Variants in ME1 observed in about 807,000 individuals in gnomAD.
ME1 encodes NADP-dependent malic enzyme.
In ME1, 74 loss-of-function variants were observed where a neutral mutation model predicts 66.4. The observed-to-expected ratio is 1.11, with a 90% confidence interval of 0.92 to 1.35. The LOEUF (loss-of-function observed/expected upper bound fraction) is 1.35, where lower values mean the gene tolerates loss of function less well. ME1 is among the 40% of genes most tolerant of loss of function. The probability of loss-of-function intolerance (pLI) is 0.00; values close to 1 mark genes in which losing one functional copy is unlikely to be tolerated. For missense variants in ME1, 750 were observed against 694.1 expected, an observed-to-expected ratio of 1.08 and a Z score of -0.90; for synonymous variants, 251 against 235.6, an observed-to-expected ratio of 1.07 and a Z score of -0.60.
intron 5 of ME1, among the ~76,000 whole-genome samples, chr6:83,328,462 T>TA (rs1001497614): frequency 6.6e-6 from 1 of 152,068 alleles, no homozygotes; most frequent in Non-Finnish European, 1.5e-5. Context: ...TTAAAGTATA[T>TA]AAAAAAATTC....
chr6:83,287,298 T>A (rs1767413639), intron 6 of ME1, among the ~76,000 whole-genome samples: 1 of 151,948 alleles, frequency 6.6e-6, no homozygotes, highest in African/African-American at 2.4e-5. Context: ...ATGTTATCCC[T>A]CCCCTAGCTC....
At chr6:83,268,383 A>G (rs1260100822) in intron 6 of ME1, among the ~76,000 whole-genome samples, 1 of 152,174 alleles carries the variant, frequency 6.6e-6, no homozygotes. Flanking sequence ...TTTACATACA[A>G]TAAAAGTACT....
Position 83,216,531 on chromosome 6 carries a change from G to T in ME1, c.1515C>A (p.Thr505=), listed in dbSNP as rs1222330892. The change falls in exon 13 of 14, where the codon ACC becomes ACA. Residue 505 remains threonine, a synonymous_variant. Transcript: ENST00000369705. ...EEGRLYPPLN[T]IRDVSLKIAE... ...CAATTTTCAGAGAAACATCTCTAATGGTATTCAAAGGAGGATAAAGCCGAC... is the reference window on the plus strand; with the variant it reads ...CAATTTTCAGAGAAACATCTCTAATTGTATTCAAAGGAGGATAAAGCCGAC... 3.7e-6 allele frequency: 6 copies of T among 1,611,180 alleles called. No homozygotes were observed. The highest frequency in any genetic ancestry group is 5.1e-6 in the Non-Finnish European group (6 of 1,178,922).
At chr6:83,301,988 C>T (rs1481358908) in intron 6 of ME1, among the ~76,000 whole-genome samples, 6 of 152,116 alleles carry the variant, frequency 3.9e-5, no homozygotes, top group Admixed American at 3.9e-4. Flanking sequence ...CATAAAGACA[C>T]ATGCACATGC....
chr6:83,284,605 G>T (rs1767363287), intron 6 of ME1, among the ~76,000 whole-genome samples: 1 of 151,942 alleles, frequency 6.6e-6, no homozygotes, highest in African/African-American at 2.4e-5. Context: ...AAAACCATAG[G>T]ATCATCTCAA....
At chr6:83,298,955 T>G (rs1157170706) in intron 6 of ME1, among the ~76,000 whole-genome samples, 2 of 134,494 alleles carry the variant, frequency 1.5e-5, no homozygotes, top group Non-Finnish European at 1.6e-5. Flanking sequence ...TTTTTTTTTT[T>G]TTTTTTTTTT....
intron 6 of ME1, among the ~76,000 whole-genome samples, chr6:83,266,295 T>A (rs187426950): frequency 6.6e-6 from 1 of 152,152 alleles, no homozygotes; most frequent in Non-Finnish European, 1.5e-5. Context: ...CACAGAGTAA[T>A]GGAAATCCAT....
Position 83,211,842 on chromosome 6 carries a change from T to C in ME1, c.*82A>G. 1.1e-6 allele frequency: 1 copy of C among 892,892 alleles called. No homozygotes were observed. The highest frequency in any genetic ancestry group is 3.4e-5 in the Admixed American group (1 of 29,800). 55.3% of individuals were successfully genotyped at this position (892,892 alleles called of 1,614,324 possible). On this transcript the variant is annotated 3_prime_UTR_variant, in exon 14 of 14. Coordinates refer to ENST00000369705, the MANE Select transcript of ME1 (RefSeq NM_002395.6). ...AATCTTAATCTAAGTGTCTTATGAATCATTATAAAAGATTCCAACCTTTAA... is the reference window on the plus strand; with the variant it reads ...AATCTTAATCTAAGTGTCTTATGAACCATTATAAAAGATTCCAACCTTTAA...
intron 2 of ME1, among the ~76,000 whole-genome samples, chr6:83,406,233 G>A (rs1769942023): frequency 6.6e-6 from 1 of 152,158 alleles, no homozygotes; most frequent in Non-Finnish European, 1.5e-5. Context: ...CGGTTTGCAA[G>A]TATTTTATTG....
intron 6 of ME1, among the ~76,000 whole-genome samples, chr6:83,273,171 T>A (rs1767115630): frequency 4.3e-5 from 5 of 115,642 alleles, no homozygotes; most frequent in Non-Finnish European, 6.5e-5. Flanking sequence ...AATGAGACTC[T>A]GCCTCAAAAA....
At chr6:83,263,517 G>T (rs528013343) in intron 6 of ME1, among the ~76,000 whole-genome samples, 2 of 152,076 alleles carry the variant, frequency 1.3e-5, no homozygotes, top group Non-Finnish European at 2.9e-5. Flanking sequence ...CCACATAAAT[G>T]ATAAGAAAGC....
chr6:83,268,971 A>T (rs903330794), intron 6 of ME1, among the ~76,000 whole-genome samples: 3 of 152,068 alleles, frequency 2.0e-5, no homozygotes, highest in African/African-American at 7.2e-5. Context: ...AATATTAGTT[A>T]TTGTTTGCTC....
chr6:83,416,726 C>CA (rs202204910), intron 1 of ME1, among the ~76,000 whole-genome samples: 6 of 149,990 alleles, frequency 4.0e-5, no homozygotes, highest in Non-Finnish European at 7.4e-5. Flanking sequence ...CCCATCTCTA[C>CA]AAAAAAAAAG....
chr6:83,265,179 T>C (rs1766967746), intron 6 of ME1, among the ~76,000 whole-genome samples: 1 of 152,248 alleles, frequency 6.6e-6, no homozygotes. Context: ...CAGATGATCA[T>C]TAACATTCAA....
chr6:83,266,535 C>G (rs766616099), intron 6 of ME1, among the ~76,000 whole-genome samples: 6 of 152,078 alleles, frequency 3.9e-5, no homozygotes, highest in Non-Finnish European at 7.4e-5. Context: ...TTGTCTAATA[C>G]TAATTAAATG....
intron 7 of ME1, among the ~76,000 whole-genome samples, chr6:83,245,361 C>G (rs1790598452): frequency 6.6e-6 from 1 of 152,020 alleles, no homozygotes; most frequent in Admixed American, 6.6e-5. Flanking sequence ...ATCTTTTAAC[C>G]ATGAACTTCT....
intron 5 of ME1, among the ~76,000 whole-genome samples, chr6:83,331,981 T>C (rs568998212): frequency 2.0e-5 from 3 of 152,206 alleles, no homozygotes; most frequent in South Asian, 2.1e-4. Flanking sequence ...TCAACATAAT[T>C]TCTATGAAAA....
At chr6:83,305,171 G>A (rs545835309) in intron 6 of ME1, among the ~76,000 whole-genome samples, 1 of 152,184 alleles carries the variant, frequency 6.6e-6, no homozygotes, top group Non-Finnish European at 1.5e-5. Flanking sequence ...TATCTCAATT[G>A]AGTTCAACAA....
chr6:83,346,041 G>A, intron 5 of ME1, 132 bp downstream of exon 5: 1 of 643,010 alleles, frequency 1.6e-6, no homozygotes, highest in Non-Finnish European at 2.5e-6. Flanking sequence ...ACAGTAAAGG[G>A]CAGATTTGGA....
Sources: gnomAD v4.1 joint callset for allele counts (sites outside exome capture counted in the v4.1 genomes callset) on GRCh38, gnomAD v4.1.1 for gene constraint, MANE v1.5 for transcripts, NCBI Gene and HGNC (gene_info 2026-07-23, HGNC 2026-07-21) for gene names.